XYLT1: variants seen among roughly 807,000 people sequenced by gnomAD.
XYLT1 encodes xylosyltransferase 1, also known as beta-D-xylosyltransferase 1.
In XYLT1, 36 loss-of-function variants were observed where a neutral mutation model predicts 91.3. The observed-to-expected ratio is 0.39, with a 90% confidence interval of 0.30 to 0.52. The LOEUF is 0.52. Ranked by LOEUF, XYLT1 falls within the 20% of genes least tolerant of loss-of-function variation. The pLI is 0.68. For missense variants in XYLT1, 1,242 were observed against 1,284.5 expected (o/e 0.97, Z 0.51); for synonymous variants, 588 against 532.0 (o/e 1.11, Z -1.45).
intron 2 of XYLT1, among the ~76,000 whole-genome samples, chr16:17,308,438 C>T (rs970733924): frequency 6.6e-6 from 1 of 152,222 alleles, no homozygotes; most frequent in African/African-American, 2.4e-5. Flanking sequence ...GAAGAGATTA[C>T]TTCCCTTCTC....
chr16:17,300,718 C>T (rs1212205835), intron 2 of XYLT1, among the ~76,000 whole-genome samples: 1 of 151,956 alleles, frequency 6.6e-6, no homozygotes, highest in Non-Finnish European at 1.5e-5. Context: ...CTTAGCCTCC[C>T]AAAGTGCTGG....
chr16:17,311,245 G>A (rs1204727838), intron 2 of XYLT1, among the ~76,000 whole-genome samples: 1 of 152,172 alleles, frequency 6.6e-6, no homozygotes, highest in Non-Finnish European at 1.5e-5. Flanking sequence ...CTCAGGAGCT[G>A]GTTAGAAATG....
At chr16:17,247,788 A>C (rs2033465214) in intron 3 of XYLT1, among the ~76,000 whole-genome samples, 1 of 152,208 alleles carries the variant, frequency 6.6e-6, no homozygotes, top group Non-Finnish European at 1.5e-5. Flanking sequence ...GGAGGCACTG[A>C]GGATTTCCTT....
At chr16:17,216,718 T>C (rs781592154) in intron 3 of XYLT1, among the ~76,000 whole-genome samples, 8 of 152,192 alleles carry the variant, frequency 5.3e-5, no homozygotes, top group Non-Finnish European at 1.2e-4. Flanking sequence ...ATGGGGAAAC[T>C]GAGGCAGACA....
intron 1 of XYLT1, among the ~76,000 whole-genome samples, chr16:17,407,540 C>T (rs916332495): frequency 6.6e-6 from 1 of 152,152 alleles, no homozygotes; most frequent in African/African-American, 2.4e-5. Flanking sequence ...ACTGATCCTC[C>T]TGCTCAGCCT....
intron 2 of XYLT1, among the ~76,000 whole-genome samples, chr16:17,264,026 A>G (rs1380560524): frequency 1.3e-5 from 2 of 152,156 alleles, no homozygotes; most frequent in Non-Finnish European, 2.9e-5. Context: ...CTCTGAACCA[A>G]TTTTTAAGTG....
At chr16:17,343,121 C>G (rs2035087635) in intron 2 of XYLT1, among the ~76,000 whole-genome samples, 2 of 152,336 alleles carry the variant, frequency 1.3e-5, no homozygotes, top group Non-Finnish European at 2.9e-5. Flanking sequence ...GGCAGCTGCT[C>G]TGCACACAGG....
chr16:17,140,654 G>A (rs2030941946), intron 7 of XYLT1, among the ~76,000 whole-genome samples: 1 of 68,132 alleles, frequency 1.5e-5, no homozygotes, highest in African/African-American at 6.5e-5. Flanking sequence ...GAGGAAGACT[G>A]TCTCAAAAAA....
intron 2 of XYLT1, among the ~76,000 whole-genome samples, chr16:17,307,073 TTTGTTG>T (rs560076174): frequency 9.5e-4 from 144 of 151,906 alleles, no homozygotes; most frequent in African/African-American, 3.0e-3. Context: ...TTGTGGGGTT[TTTGTTG>T]TTGTTGTTGT....
At chr16:17,110,890 T>C (rs564460197) in intron 11 of XYLT1, among the ~76,000 whole-genome samples, 4 of 152,344 alleles carry the variant, frequency 2.6e-5, no homozygotes, top group East Asian at 3.9e-4. Context: ...CCAGGCACGA[T>C]GGCTTACACC....
intron 10 of XYLT1, among the ~76,000 whole-genome samples, chr16:17,120,943 C>T (rs2030029833): frequency 2.0e-5 from 3 of 152,200 alleles, no homozygotes; most frequent in African/African-American, 7.2e-5. Context: ...AATCTGTCAA[C>T]TCTATTGTAA....
chr16:17,292,379 C>T, intron 2 of XYLT1, among the ~76,000 whole-genome samples: 1 of 151,940 alleles, frequency 6.6e-6, no homozygotes, highest in East Asian at 1.9e-4. Flanking sequence ...CCTCACTTCA[C>T]AAAAAAAACT....
At chr16:17,383,536 T>C (rs983338068) in intron 1 of XYLT1, among the ~76,000 whole-genome samples, 7 of 151,910 alleles carry the variant, frequency 4.6e-5, no homozygotes, top group Non-Finnish European at 1.0e-4. Context: ...CATACGGTCC[T>C]GGCTCGGCAA....
chr16:17,364,571 C>G (rs975048128), intron 1 of XYLT1, among the ~76,000 whole-genome samples: 3 of 152,190 alleles, frequency 2.0e-5, no homozygotes, highest in African/African-American at 7.2e-5. Flanking sequence ...TGCAAGTTAC[C>G]GTAGATACGA....
chr16:17,391,621 C>T (rs2035820412), intron 1 of XYLT1, among the ~76,000 whole-genome samples: 1 of 152,234 alleles, frequency 6.6e-6, no homozygotes, highest in Admixed American at 6.5e-5. Context: ...AAGTCCCAGT[C>T]ATCTTGGATC....
At chr16:17,320,796 C>A (rs1022993693) in intron 2 of XYLT1, among the ~76,000 whole-genome samples, 9 of 123,346 alleles carry the variant, frequency 7.3e-5, no homozygotes, top group African/African-American at 3.1e-4. Flanking sequence ...GGAAAAGTTT[C>A]TTAACCACTC....
At chr16:17,334,161 T>TC in intron 2 of XYLT1, among the ~76,000 whole-genome samples, 1 of 152,186 alleles carries the variant, frequency 6.6e-6, no homozygotes, top group East Asian at 1.9e-4. Context: ...ATCTTGGACT[T>TC]CCCAGCTTTC....
chr16:17,417,637 C>T (rs555066184), intron 1 of XYLT1, among the ~76,000 whole-genome samples: 3 of 152,250 alleles, frequency 2.0e-5, no homozygotes, highest in Admixed American at 2.0e-4. Context: ...GCTAGTTCAC[C>T]ACCGTAGGCA....
chr16:17,303,162 G>A (rs2034422339), intron 2 of XYLT1, among the ~76,000 whole-genome samples: 1 of 152,172 alleles, frequency 6.6e-6, no homozygotes, highest in Non-Finnish European at 1.5e-5. Flanking sequence ...ATACAATGAT[G>A]TAAAAAATAA....
Sources: allele counts gnomAD v4.1 joint callset (sites outside exome capture counted in the v4.1 genomes callset), GRCh38; gene constraint gnomAD v4.1.1; transcripts MANE v1.5; gene names NCBI Gene and HGNC (gene_info 2026-07-23, HGNC 2026-07-21).